The following LRRTM3 variants were observed in gnomAD, a reference collection of about 807,000 sequenced individuals.
The protein encoded by LRRTM3 is leucine rich repeat transmembrane neuronal 3, also known as leucine-rich repeat transmembrane neuronal protein 3.
LRRTM3 carries 24 observed loss-of-function variants against 44.7 expected under a neutral mutation model. The ratio of observed to expected loss-of-function variants is 0.54; its 90% CI spans 0.39 to 0.76. The LOEUF (loss-of-function observed/expected upper bound fraction) is 0.76, where lower values mean the gene tolerates loss of function less well. Among genes scored for constraint, LRRTM3 ranks in the 30% least tolerant of loss-of-function variants. LRRTM3 has a pLI of 0.00. For missense variants in LRRTM3, 587 were observed against 702.2 expected, an observed-to-expected ratio of 0.84 and a Z score of 1.85; for synonymous variants, 277 against 278.7, an observed-to-expected ratio of 0.99 and a Z score of 0.06.
chr10:66,956,211 G>T (rs1848784090), intron 2 of LRRTM3, among the ~76,000 whole-genome samples: 2 of 150,500 alleles, frequency 1.3e-5, no homozygotes. Context: ...AAAGGTGATG[G>T]ATAGGCCAGT....
chr10:67,034,292 T>A (rs1467242912), intron 2 of LRRTM3, among the ~76,000 whole-genome samples: 1 of 152,170 alleles, frequency 6.6e-6, no homozygotes, highest in African/African-American at 2.4e-5. Context: ...TGCCAAGCAA[T>A]CATTTATTCA....
At chr10:67,091,247 T>A (rs1857614318) in intron 2 of LRRTM3, among the ~76,000 whole-genome samples, 2 of 151,860 alleles carry the variant, frequency 1.3e-5, no homozygotes, top group South Asian at 4.1e-4. Flanking sequence ...GGCATCAAAA[T>A]GAAAAAGAAT....
chr10:66,978,053 CAT>C (rs758434893), intron 2 of LRRTM3, among the ~76,000 whole-genome samples: 135 of 134,538 alleles, frequency 1.0e-3, no homozygotes, highest in African/African-American at 3.1e-3. Flanking sequence ...TTTGCACACA[CAT>C]ATATATATAT....
At chr10:66,951,670 C>T (rs1234797098) in intron 2 of LRRTM3, among the ~76,000 whole-genome samples, 1 of 152,124 alleles carries the variant, frequency 6.6e-6, no homozygotes, top group Non-Finnish European at 1.5e-5. Context: ...TGTTCCTCTC[C>T]ATTAATCCTG....
At chr10:66,942,277 T>C (rs866955275) in intron 2 of LRRTM3, among the ~76,000 whole-genome samples, 8 of 152,154 alleles carry the variant, frequency 5.3e-5, no homozygotes, top group Admixed American at 2.0e-4. Context: ...ATATAAAAAA[T>C]GATTAAATGT....
intron 2 of LRRTM3, among the ~76,000 whole-genome samples, chr10:67,068,696 C>A (rs114898880): frequency 1.3e-5 from 2 of 152,138 alleles, no homozygotes; most frequent in South Asian, 2.1e-4. Flanking sequence ...AGCAAATGAC[C>A]CAAATATGTT....
At chr10:67,019,534 A>C (rs1040411767) in intron 2 of LRRTM3, among the ~76,000 whole-genome samples, 2 of 152,160 alleles carry the variant, frequency 1.3e-5, no homozygotes, top group African/African-American at 4.8e-5. Flanking sequence ...CTCTTTTCTA[A>C]TTGATTCTTG....
chr10:67,035,522 T>C (rs1041106203), intron 2 of LRRTM3, among the ~76,000 whole-genome samples: 1 of 152,168 alleles, frequency 6.6e-6, no homozygotes, highest in Non-Finnish European at 1.5e-5. Flanking sequence ...AGTTTACTTG[T>C]TTTTTAATGT....
chr10:67,038,758 C>T (rs963775053), intron 2 of LRRTM3, among the ~76,000 whole-genome samples: 6 of 151,854 alleles, frequency 4.0e-5, no homozygotes, highest in Non-Finnish European at 8.8e-5. Flanking sequence ...ACCAGGAGTT[C>T]AATATGAGAT....
chr10:66,934,598 T>G (rs1847588338), intron 2 of LRRTM3, among the ~76,000 whole-genome samples: 1 of 152,176 alleles, frequency 6.6e-6, no homozygotes, highest in Non-Finnish European at 1.5e-5. Flanking sequence ...TGAATTACAG[T>G]CTTACAAAGT....
At chr10:67,081,659 A>C (rs561158725) in intron 2 of LRRTM3, among the ~76,000 whole-genome samples, 5 of 152,270 alleles carry the variant, frequency 3.3e-5, no homozygotes, top group African/African-American at 1.2e-4. Flanking sequence ...CTCCATATAC[A>C]TTCTTTGCTC....
chr10:67,064,534 C>T (rs780311388), intron 2 of LRRTM3, among the ~76,000 whole-genome samples: 12 of 152,136 alleles, frequency 7.9e-5, no homozygotes, highest in Non-Finnish European at 1.3e-4. Flanking sequence ...AGCAAGCTTT[C>T]TCTATAACAT....
chr10:67,014,396 T>C (rs1436954686), intron 2 of LRRTM3, among the ~76,000 whole-genome samples: 1 of 152,172 alleles, frequency 6.6e-6, no homozygotes, highest in African/African-American at 2.4e-5. Flanking sequence ...GTATAACCTG[T>C]GAGATTATGG....
chr10:66,974,308 C>G (rs559901595), intron 2 of LRRTM3, among the ~76,000 whole-genome samples: 68 of 152,266 alleles, frequency 4.5e-4, no homozygotes, highest in African/African-American at 1.6e-3. Context: ...AAGGAGTAAT[C>G]TAAAAAAGTG....
At chr10:66,929,249 CA>C (rs1847238406) in intron 2 of LRRTM3, among the ~76,000 whole-genome samples, 1 of 152,158 alleles carries the variant, frequency 6.6e-6, no homozygotes, top group African/African-American at 2.4e-5. Context: ...ATAAATGAAA[CA>C]GCATTGAGAA....
At position 66,927,694 on chromosome 10, in the gene LRRTM3, T is replaced by C; in HGVS notation, c.778T>C (p.Leu260=). The change falls in exon 2 of 3, where the codon TTA becomes CTA. Residue 260 remains leucine, a synonymous_variant. Coordinates refer to ENST00000361320, the MANE Select transcript of LRRTM3 (RefSeq NM_178011.5). The surrounding 1 kb of genome is among the most constrained non-coding windows in gnomAD (Gnocchi z 4.7). ...CTGGAGCTCCTTACAAAGGCTTGAT[T>C]TATCAGGCAATGAGATCGAAGCTTT... ...WTWSSLQRLD[L]SGNEIEAFSG... 1 of 1,614,166 alleles carries C rather than the reference T, an allele frequency of 6.2e-7. No individual in the cohort carries two copies. The highest frequency in any genetic ancestry group is 8.5e-7 in the Non-Finnish European group (1 of 1,180,032).
At chr10:67,082,476 C>T (rs1857101857) in intron 2 of LRRTM3, among the ~76,000 whole-genome samples, 1 of 152,066 alleles carries the variant, frequency 6.6e-6, no homozygotes, top group Admixed American at 6.6e-5. Context: ...GCAGATTTTG[C>T]AAAGGGCTAT....
chr10:67,083,077 G>A (rs1238212651), intron 2 of LRRTM3, among the ~76,000 whole-genome samples: 1 of 152,122 alleles, frequency 6.6e-6, no homozygotes, highest in Non-Finnish European at 1.5e-5. Context: ...AGTGTGATCA[G>A]GGGACCAGTG....
chr10:67,067,945 G>C (rs1030331905), intron 2 of LRRTM3, among the ~76,000 whole-genome samples: 1 of 152,184 alleles, frequency 6.6e-6, no homozygotes, highest in African/African-American at 2.4e-5. Flanking sequence ...GTTGGGTAAA[G>C]GTTTGTCCTG....
Sources: allele counts gnomAD v4.1 joint callset (sites outside exome capture counted in the v4.1 genomes callset), GRCh38; gene constraint gnomAD v4.1.1; non-coding constraint Gnocchi (gnomAD v3.1); transcripts MANE v1.5; gene names NCBI Gene and HGNC (gene_info 2026-07-23, HGNC 2026-07-21).